ARFGAP3: variants seen among roughly 807,000 people sequenced by gnomAD.
ARFGAP3 encodes ARF GTPase activating protein 3, also known as ADP-ribosylation factor GTPase-activating protein 3.
ARFGAP3 carries 72 observed loss-of-function variants against 75.0 expected under a neutral mutation model. The ratio of observed to expected loss-of-function variants is 0.96; its 90% CI spans 0.79 to 1.17. ARFGAP3 has a LOEUF of 1.17. Among genes scored for constraint, ARFGAP3 ranks in the 50% most tolerant of loss-of-function variants. The pLI, the probability that ARFGAP3 is intolerant of heterozygous loss-of-function variation, is 0.00. For missense variants in ARFGAP3, 620 were observed against 626.6 expected (o/e 0.99, Z 0.11); for synonymous variants, 221 against 217.9 (o/e 1.01, Z -0.13).
intron 2 of ARFGAP3, among the ~76,000 whole-genome samples, chr22:42,843,099 A>C: frequency 6.7e-6 from 1 of 150,022 alleles, no homozygotes; most frequent in African/African-American, 2.5e-5. Flanking sequence ...CCCCAACCAC[A>C]TCCCCGCTCC....
chr22:42,854,627 GAAAAAA>G lies in ARFGAP3; in HGVS notation c.69+2481_69+2486del, dbSNP rs550780173. On this transcript the variant is annotated intron_variant, in intron 1 of 15. Transcript: ENST00000263245. ...ACAACAGAGCTAGACTGTCTCAAAA[GAAAAAA>G]AAAAAGAAAGAAAAAGAAAAAAGAG... Among the ~76,000 whole-genome samples the G allele has an allele frequency of 1.8e-3, 250 of 135,298 alleles. 1 individual carries two copies. The highest frequency in any genetic ancestry group is 6.4e-3 in the African/African-American group (235 of 36,466). The allele number at this position is 135,298 out of a possible 152,430, so 88.8% of individuals were successfully genotyped here. A position where few individuals can be genotyped will look rare whatever the true frequency, so the allele number is the denominator to read the frequency against.
At chr22:42,850,854 C>T (rs1382945878) in intron 1 of ARFGAP3, among the ~76,000 whole-genome samples, 1 of 152,196 alleles carries the variant, frequency 6.6e-6, no homozygotes, top group African/African-American at 2.4e-5. Flanking sequence ...GTATGTCAGA[C>T]ATGTGACAGG....
intron 8 of ARFGAP3, 92 bp downstream of exon 8, chr22:42,823,563 TG>T: frequency 1.1e-6 from 1 of 908,690 alleles, no homozygotes; most frequent in Non-Finnish European, 1.6e-6. Context: ...TATTACAAGA[TG>T]GTTCAAAAGA....
Position 42,817,165 on chromosome 22 carries a change from A to G in ARFGAP3, c.1041T>C (p.Asp347=), listed in dbSNP as rs760155980. ...PRKKYNDDSD[D]SYFTSSSSYF... ...ACCTTGAGCTGGAAGTAAAATATGAATCGTCACTGTCATCATTATACTTTT... is the reference window on the plus strand; with the variant it reads ...ACCTTGAGCTGGAAGTAAAATATGAGTCGTCACTGTCATCATTATACTTTT... Residue 347 remains aspartate (D), a synonymous_variant, in exon 11 of 16, where the codon GAT becomes GAC. Coordinates refer to ENST00000263245, the MANE Select transcript of ARFGAP3 (RefSeq NM_014570.5). 1.2e-6 allele frequency: 2 copies of G among 1,612,792 alleles called. No individual in the cohort carries two copies. Among genetic ancestry groups the G allele is most frequent in the Non-Finnish European group, 1.7e-6 (2 of 1,179,016 alleles).
chr22:42,845,364 A>G (rs897631198), intron 2 of ARFGAP3, among the ~76,000 whole-genome samples: 1 of 151,954 alleles, frequency 6.6e-6, no homozygotes, highest in African/African-American at 2.4e-5. Flanking sequence ...GTCTCTACTA[A>G]AAGTACAAAA....
Position 42,822,358 on chromosome 22 carries a change from AGCATGT to A in ARFGAP3, c.718_723del (p.Thr240_Cys241del), listed in dbSNP as rs1002369254. ...TGAGCTTGTTTTTCAATTTCATTAA[AGCATGT>A]GTTTGCCAGTTTCTGAGCTCCCAAA... On this transcript the variant is annotated inframe_deletion, in exon 9 of 16. Transcript: ENST00000263245. The A allele has an allele frequency of 1.9e-6, 3 of 1,614,068 alleles. No individual in the cohort carries two copies. Among genetic ancestry groups the A allele is most frequent in the Admixed American group, 3.3e-5 (2 of 59,990 alleles).
intron 3 of ARFGAP3, among the ~76,000 whole-genome samples, chr22:42,839,310 G>GT (rs1370326032): frequency 6.6e-6 from 1 of 151,634 alleles, no homozygotes; most frequent in Non-Finnish European, 1.5e-5. Flanking sequence ...TGAAGAATGG[G>GT]TTTTTTGGTC....
intron 6 of ARFGAP3, among the ~76,000 whole-genome samples, chr22:42,830,508 C>T (rs1466786326): frequency 6.6e-6 from 1 of 152,144 alleles, no homozygotes; most frequent in Non-Finnish European, 1.5e-5. Flanking sequence ...TTATATAAGC[C>T]AGCACTTCTT....
chr22:42,838,290 A>ATATTT (rs1555899059), intron 3 of ARFGAP3, among the ~76,000 whole-genome samples: 68 of 137,206 alleles, frequency 5.0e-4, no homozygotes, highest in African/African-American at 1.2e-3. Flanking sequence ...ATATATATAT[A>ATATTT]TTTTTTTTTT....
chr22:42,800,524 C>G (rs1456425220), intron 14 of ARFGAP3, among the ~76,000 whole-genome samples: 1 of 152,158 alleles, frequency 6.6e-6, no homozygotes, highest in Non-Finnish European at 1.5e-5. Flanking sequence ...GAGCGAGACC[C>G]CATCTCAAAA....
At position 42,808,877 on chromosome 22, in the gene ARFGAP3, G is replaced by T. The variant is rs150358440; in HGVS notation, c.1210C>A (p.Arg404Ser). Residue 404 changes from arginine to serine, a missense_variant, in exon 13 of 16, where the codon CGC becomes AGC. Coordinates refer to ENST00000263245, the MANE Select transcript of ARFGAP3 (RefSeq NM_014570.5). ...TCAACTGGCTCATAATCTGGCTTGC[G>T]GCGAGCAGTAGGTCTGCAATTAAAA... ...TGYSDRPTAR[R>S]KPDYEPVENT... 1.2e-5 allele frequency: 20 copies of T among 1,609,890 alleles called. No individual in the cohort carries two copies. The highest frequency in any genetic ancestry group is 3.4e-5 in the Admixed American group (2 of 59,654).
chr22:42,813,012 T>G (rs1441316833), intron 11 of ARFGAP3, among the ~76,000 whole-genome samples: 1 of 152,240 alleles, frequency 6.6e-6, no homozygotes, highest in Non-Finnish European at 1.5e-5. Context: ...CGGAGGAAGG[T>G]TCAAAAGATG....
At chr22:42,832,339 C>T (rs5751381) in intron 5 of ARFGAP3, among the ~76,000 whole-genome samples, 66,581 of 151,070 alleles carry the variant, frequency 0.44, 15,164 homozygotes, top group Non-Finnish European at 0.48. Flanking sequence ...ACCAGACTGG[C>T]CAATATGGTG....
At position 42,799,166 on chromosome 22, in the gene ARFGAP3, C is replaced by T. The variant is rs117877473; in HGVS notation, c.1412-6G>A. On this transcript the variant is annotated splice_polypyrimidine_tract_variant and splice_region_variant and intron_variant, in intron 14 of 15. Transcript: ENST00000263245. ...ACTGGACAGGCTGTAGTTCCCTGCA[C>T]ACACACAGCAGACACTGTCTCATCA... 37,864 of 1,613,890 alleles carry T rather than the reference C, an allele frequency of 0.023. 521 individuals carry two copies. The highest frequency in any genetic ancestry group is 0.043 in the East Asian group (1,929 of 44,878).
At chr22:42,824,210 C>G (rs1925942454) in intron 7 of ARFGAP3, among the ~76,000 whole-genome samples, 2 of 111,358 alleles carry the variant, frequency 1.8e-5, no homozygotes, top group East Asian at 3.0e-4. Flanking sequence ...AGATGGGTGT[C>G]TTGCTATGTT....
At chr22:42,801,024 T>C (rs1267582640) in intron 14 of ARFGAP3, among the ~76,000 whole-genome samples, 1 of 152,198 alleles carries the variant, frequency 6.6e-6, no homozygotes, top group Non-Finnish European at 1.5e-5. Flanking sequence ...AATTAACTGA[T>C]AACATCACTA....
chr22:42,799,297 G>C (rs1924751318), intron 14 of ARFGAP3, 137 bp from the exon 15 acceptor site: 5 of 1,460,896 alleles, frequency 3.4e-6, no homozygotes, highest in South Asian at 1.4e-5. Context: ...CCAACAGTGG[G>C]ATGGAGACTC....
At chr22:42,799,015 T>G in intron 15 of ARFGAP3, 24 bp downstream of exon 15, 2 of 1,605,624 alleles carry the variant, frequency 1.2e-6, no homozygotes, top group Non-Finnish European at 1.7e-6. Flanking sequence ...TCATAGCCAG[T>G]GAGCACTGCC....
At chr22:42,809,718 A>G (rs1275090930) in intron 12 of ARFGAP3, among the ~76,000 whole-genome samples, 1 of 152,134 alleles carries the variant, frequency 6.6e-6, no homozygotes, top group East Asian at 1.9e-4. Context: ...ATTGGGGGAA[A>G]AAAGGCCGGG....
Sources: gnomAD v4.1 joint callset for allele counts (sites outside exome capture counted in the v4.1 genomes callset) on GRCh38, gnomAD v4.1.1 for gene constraint, MANE v1.5 for transcripts, NCBI Gene and HGNC (gene_info 2026-07-23, HGNC 2026-07-21) for gene names.